WWOX: variants seen among roughly 807,000 people sequenced by gnomAD.
WWOX encodes WW domain containing oxidoreductase.
A neutral mutation model predicts 46.2 loss-of-function variants in WWOX; 69 were observed. That is an observed-to-expected ratio of 1.49 (90% CI 1.23 to 1.82). The LOEUF (loss-of-function observed/expected upper bound fraction) is 1.82. Ranked by LOEUF, WWOX falls within the 40% of genes most tolerant of loss-of-function variation. The pLI, the probability that WWOX is intolerant of heterozygous loss-of-function variation, is 0.00. For synonymous variants in WWOX, 359 were observed against 202.6 expected, an observed-to-expected ratio of 1.77 and a Z score of -6.56; for missense variants, 919 against 542.6, an observed-to-expected ratio of 1.69 and a Z score of -6.89.
intron 4 of WWOX, chr16:78,123,435 G>GATTTTTTTTTTTT (rs2033194268): frequency 2.1e-5 from 1 of 48,722 alleles, no homozygotes; most frequent in Non-Finnish European, 4.1e-5. Flanking sequence ...TTTGTTTTTT[G>GATTTTTTTTTTTT]TTTTGTTTTT....
chr16:78,731,862 T>TTTTTTTG lies in WWOX; in HGVS notation c.1056+299111_1056+299112insTTTTTGT, dbSNP rs34201735. Among the ~76,000 whole-genome samples, 91 of 137,794 alleles carry TTTTTTTG rather than the reference T, an allele frequency of 6.6e-4. 3 individuals carry two copies. Among genetic ancestry groups the TTTTTTTG allele is most frequent in the African/African-American group, 1.4e-3 (45 of 32,268 alleles). The allele number at this position is 137,794 out of a possible 152,430, so 90.4% of individuals were successfully genotyped here. On this transcript the variant is annotated intron_variant, in intron 8 of 8. Transcript: ENST00000566780. Reference sequence around the variant, plus strand: ...TTCTTTCTCTTTTTTTTTTTTTTTTTTGAGAGACAGGGTCTTGCTTTATAG... The same window carrying TTTTTTTG: ...TTCTTTCTCTTTTTTTTTTTTTTTTTTTTTTTGTGAGAGACAGGGTCTTGCTTTATAG...
At chr16:79,142,074 T>G (rs1263122384) in intron 8 of WWOX, among the ~76,000 whole-genome samples, 1 of 152,208 alleles carries the variant, frequency 6.6e-6, no homozygotes, top group African/African-American at 2.4e-5. Context: ...TTTCTCCTTC[T>G]TCTCCATCTC....
At chr16:78,110,840 C>G (rs2032450037) in intron 3 of WWOX, among the ~76,000 whole-genome samples, 1 of 152,150 alleles carries the variant, frequency 6.6e-6, no homozygotes, top group Non-Finnish European at 1.5e-5. Context: ...AAAGAAGTAG[C>G]ACAGCCAGGC....
intron 8 of WWOX, among the ~76,000 whole-genome samples, chr16:79,008,494 C>T (rs2047235301): frequency 6.6e-6 from 1 of 152,184 alleles, no homozygotes; most frequent in African/African-American, 2.4e-5. Context: ...CGCCCACACT[C>T]AAGAGAGGGG....
intron 6 of WWOX, among the ~76,000 whole-genome samples, chr16:78,392,676 T>C (rs534272269): frequency 6.6e-6 from 1 of 152,308 alleles, no homozygotes; most frequent in Non-Finnish European, 1.5e-5. Flanking sequence ...CTCCTGAGTT[T>C]CCTGTGAAAG....
intron 8 of WWOX, among the ~76,000 whole-genome samples, chr16:78,996,578 A>G (rs1314723500): frequency 1.3e-5 from 2 of 152,058 alleles, no homozygotes; most frequent in Non-Finnish European, 2.9e-5. Context: ...AATTACAGTG[A>G]GAGATGGTGG....
In WWOX at chr16:78,699,764, C is replaced by A. The variant is rs147818999; in HGVS notation, c.1056+267012C>A. ...CCTTTTTTCAGGCTCTTCTAATGAT[C>A]TTCTGGCCAACTCTAAATCACCTTT... On this transcript the variant is annotated intron_variant, in intron 8 of 8. Transcript: ENST00000566780. Among the ~76,000 whole-genome samples, 24 of 152,260 alleles carry A rather than the reference C, an allele frequency of 1.6e-4. No homozygotes were observed. The East Asian group carries it at 2.5e-3, about 16-fold the overall frequency.
intron 8 of WWOX, among the ~76,000 whole-genome samples, chr16:78,779,563 T>C (rs1010445903): frequency 2.0e-5 from 3 of 152,184 alleles, no homozygotes; most frequent in Non-Finnish European, 4.4e-5. Flanking sequence ...TTTGTACAGA[T>C]TGTTTAACCC....
intron 8 of WWOX, among the ~76,000 whole-genome samples, chr16:79,177,977 G>T (rs2050834739): frequency 6.6e-6 from 1 of 152,160 alleles, no homozygotes; most frequent in South Asian, 2.1e-4. Context: ...CTCGTTCCCT[G>T]GCTCATAGAT....
intron 5 of WWOX, among the ~76,000 whole-genome samples, chr16:78,320,075 T>G (rs1597478360): frequency 2.0e-5 from 3 of 152,324 alleles, no homozygotes; most frequent in East Asian, 3.9e-4. Flanking sequence ...TGTTTCTCTT[T>G]CTCCCTAAGT....
At chr16:78,750,204 G>A (rs892039236) in intron 8 of WWOX, among the ~76,000 whole-genome samples, 2 of 152,170 alleles carry the variant, frequency 1.3e-5, no homozygotes, top group Non-Finnish European at 2.9e-5. Flanking sequence ...TTCAAAAACA[G>A]GAAGAAAAAC....
At chr16:78,414,466 G>T (rs1045789279) in intron 6 of WWOX, among the ~76,000 whole-genome samples, 1 of 152,204 alleles carries the variant, frequency 6.6e-6, no homozygotes, top group East Asian at 1.9e-4. Flanking sequence ...CTACTCAGGA[G>T]GTTGAGGCAC....
At chr16:78,958,051 C>T (rs980222152) in intron 8 of WWOX, among the ~76,000 whole-genome samples, 3 of 152,186 alleles carry the variant, frequency 2.0e-5, no homozygotes, top group Admixed American at 1.3e-4. Flanking sequence ...GGTATGCCTG[C>T]CTCAAATAAC....
chr16:79,039,658 C>G (rs772093642), intron 8 of WWOX, among the ~76,000 whole-genome samples: 6 of 152,156 alleles, frequency 3.9e-5, no homozygotes. Context: ...TAACTCCTGT[C>G]CATTGTTCCT....
chr16:78,771,743 G>C (rs1424215128), intron 8 of WWOX, among the ~76,000 whole-genome samples: 4 of 151,342 alleles, frequency 2.6e-5, no homozygotes, highest in Admixed American at 1.3e-4. Context: ...CTGCACTTCA[G>C]CTTGGGCAAC....
At chr16:78,966,783 A>T (rs888395941) in intron 8 of WWOX, among the ~76,000 whole-genome samples, 4 of 152,192 alleles carry the variant, frequency 2.6e-5, no homozygotes, top group Non-Finnish European at 5.9e-5. Flanking sequence ...GATTCAAATC[A>T]CATGTGCCAA....
chr16:78,235,520 C>T (rs1205731118), intron 5 of WWOX, among the ~76,000 whole-genome samples: 1 of 152,188 alleles, frequency 6.6e-6, no homozygotes, highest in African/African-American at 2.4e-5. Context: ...TGGAGTGCAA[C>T]AGAGGCCCCT....
At chr16:78,874,566 T>A (rs1170979629) in intron 8 of WWOX, among the ~76,000 whole-genome samples, 1 of 152,028 alleles carries the variant, frequency 6.6e-6, no homozygotes, top group Admixed American at 6.6e-5. Flanking sequence ...TGGCAAAAGA[T>A]GTCTGGATGG....
chr16:78,589,844 A>G (rs1412941485), intron 8 of WWOX, among the ~76,000 whole-genome samples: 1 of 152,114 alleles, frequency 6.6e-6, no homozygotes, highest in African/African-American at 2.4e-5. Flanking sequence ...ATTAACTATG[A>G]TGCTACTTCT....
Sources: gnomAD v4.1 joint callset for allele counts (sites outside exome capture counted in the v4.1 genomes callset) on GRCh38, gnomAD v4.1.1 for gene constraint, MANE v1.5 for transcripts, NCBI Gene and HGNC (gene_info 2026-07-23, HGNC 2026-07-21) for gene names.